Variants in DNAH14 observed in about 807,000 individuals in gnomAD.
DNAH14 encodes the protein dynein axonemal heavy chain 14, also known as axonemal beta dynein heavy chain 14.
A neutral mutation model predicts 520.9 loss-of-function variants in DNAH14; 478 were observed. The observed-to-expected ratio is 0.92, with a 90% confidence interval of 0.85 to 0.99. DNAH14 has a LOEUF of 0.99. Ranked by LOEUF, DNAH14 falls within the 50% of genes least tolerant of loss-of-function variation. The pLI, the probability that DNAH14 is intolerant of heterozygous loss-of-function variation, is 0.00. For missense variants in DNAH14, 4,831 were observed against 5,234.5 expected, an observed-to-expected ratio of 0.92 and a Z score of 2.38; for synonymous variants, 1,581 against 1,757.2, an observed-to-expected ratio of 0.90 and a Z score of 2.51.
intron 40 of DNAH14, 53 bp downstream of exon 40, chr1:225,206,232 G>C: frequency 7.1e-7 from 1 of 1,409,354 alleles, no homozygotes; most frequent in African/African-American, 1.4e-5. Context: ...GTTTATGATA[G>C]TAACTATTTA....
chr1:225,290,868 G>A (rs969474929), intron 55 of DNAH14, among the ~76,000 whole-genome samples: 1 of 151,122 alleles, frequency 6.6e-6, no homozygotes, highest in South Asian at 2.1e-4. Flanking sequence ...TCATTTTTGT[G>A]TTAGGAGCAT....
rs1296761594 is a variant in DNAH14 at position 225,333,517 on chromosome 1, A to G, written c.10080+11A>G. On this transcript the variant is annotated intron_variant, in intron 66 of 85. Transcript: ENST00000682510. Reference sequence around the variant, plus strand: ...GCACAAAAATATGAGGTAATAACATATTTCTATTATCCAGTTAAGTGGCTA... The same window carrying G: ...GCACAAAAATATGAGGTAATAACATGTTTCTATTATCCAGTTAAGTGGCTA... The G allele has an allele frequency of 7.1e-6, 11 of 1,542,544 alleles. No individual in the cohort carries two copies. Among genetic ancestry groups the G allele is most frequent in the Non-Finnish European group, 9.6e-6 (11 of 1,140,402 alleles).
chr1:225,255,986 AC>A (rs2092718870), intron 44 of DNAH14, among the ~76,000 whole-genome samples: 1 of 152,218 alleles, frequency 6.6e-6, no homozygotes, highest in Admixed American at 6.5e-5. Flanking sequence ...TTGAAGCATT[AC>A]CATTAAAATC....
chr1:224,969,070 A>G, intron 7 of DNAH14, 196 bp downstream of exon 7: 1 of 436,602 alleles, frequency 2.3e-6, no homozygotes, highest in Admixed American at 4.7e-5. Flanking sequence ...GCATTTAAGA[A>G]GCATTTTTCC....
chr1:225,124,428 G>A (rs886439783), intron 27 of DNAH14, among the ~76,000 whole-genome samples: 2 of 152,154 alleles, frequency 1.3e-5, no homozygotes, highest in East Asian at 1.9e-4. Flanking sequence ...TATCAACTAA[G>A]TTTATGTAAT....
chr1:224,969,354 C>G (rs1473198119), intron 7 of DNAH14: 3 of 156,324 alleles, frequency 1.9e-5, no homozygotes, highest in Admixed American at 1.3e-4. Flanking sequence ...ACTTTTGACT[C>G]TACCCAAACT....
chr1:224,994,285 C>T (rs2063248209), intron 8 of DNAH14, among the ~76,000 whole-genome samples: 1 of 151,930 alleles, frequency 6.6e-6, no homozygotes, highest in Non-Finnish European at 1.5e-5. Flanking sequence ...TTGATATCCC[C>T]TACTATTATT....
At chr1:225,314,945 G>A (rs551627481) in intron 60 of DNAH14, among the ~76,000 whole-genome samples, 1 of 152,244 alleles carries the variant, frequency 6.6e-6, no homozygotes, top group African/African-American at 2.4e-5. Flanking sequence ...GAGTATCTTT[G>A]TAGTGTTCTC....
At chr1:225,180,284 ATCCTTCAT>A (rs1387977958) in intron 36 of DNAH14, among the ~76,000 whole-genome samples, 4 of 152,212 alleles carry the variant, frequency 2.6e-5, no homozygotes, top group Non-Finnish European at 5.9e-5. Flanking sequence ...CGTCATGAGC[ATCCTTCAT>A]TCAATTTCAT....
intron 58 of DNAH14, 21 bp downstream of exon 58, chr1:225,305,110 C>T (rs1468115413): frequency 4.0e-6 from 6 of 1,512,242 alleles, no homozygotes; most frequent in Non-Finnish European, 5.3e-6. Context: ...GAGAACAAAT[C>T]ATAAATATAT....
chr1:224,995,029 CTATAGT>C (rs1411173525), intron 8 of DNAH14, among the ~76,000 whole-genome samples: 1 of 152,058 alleles, frequency 6.6e-6, no homozygotes, highest in African/African-American at 2.4e-5. Context: ...ATTATTTTAG[CTATAGT>C]TATTTTAATA....
At chr1:225,171,473 C>A (rs983089904) in intron 36 of DNAH14, among the ~76,000 whole-genome samples, 4 of 152,194 alleles carry the variant, frequency 2.6e-5, no homozygotes, top group African/African-American at 9.7e-5. Flanking sequence ...AAACTACCAT[C>A]AGAGAATACT....
At chr1:225,266,143 C>T (rs1277143154) in intron 48 of DNAH14, among the ~76,000 whole-genome samples, 2 of 152,124 alleles carry the variant, frequency 1.3e-5, no homozygotes, top group Admixed American at 1.3e-4. Flanking sequence ...GAATTTTCTG[C>T]TTGTTGTTCA....
chr1:225,348,669 A>G (rs1393375405), intron 71 of DNAH14, among the ~76,000 whole-genome samples: 1 of 152,196 alleles, frequency 6.6e-6, no homozygotes, highest in Admixed American at 6.5e-5. Flanking sequence ...TCTCAGATAA[A>G]CAAACATGAG....
chr1:225,290,024 A>T lies in DNAH14; in HGVS notation c.8411A>T (p.His2804Leu). 6.5e-7 allele frequency: 1 copy of T among 1,534,374 alleles called. No homozygotes were observed. ...FKEVFKKVFI[H>L]AGLKGKPTVL... Reference sequence around the variant, plus strand: ...GAAGTCTTTAAAAAGGTGTTTATTCACGCAGGATTAAAAGGGAAACCCACT... The same window carrying T: ...GAAGTCTTTAAAAAGGTGTTTATTCTCGCAGGATTAAAAGGGAAACCCACT... The change falls in exon 55 of 86, where the codon CAC (histidine) becomes CTC (leucine). Residue 2804 changes from histidine (H) to leucine (L), a missense_variant. His to Leu is a moderately conservative substitution (Grantham distance 99, BLOSUM62 -3). Coordinates refer to ENST00000682510, the MANE Select transcript of DNAH14 (RefSeq NM_001367479.1).
intron 37 of DNAH14, among the ~76,000 whole-genome samples, 185 bp downstream of exon 37, chr1:225,185,610 T>C (rs1200520171): frequency 6.6e-6 from 1 of 152,002 alleles, no homozygotes; most frequent in African/African-American, 2.4e-5. Context: ...ATTACTAGTT[T>C]AAAGAAACTA....
chr1:225,184,466 A>G (rs12067725), intron 36 of DNAH14, among the ~76,000 whole-genome samples: 4,011 of 152,132 alleles, frequency 0.026, 158 homozygotes, highest in African/African-American at 0.08. Flanking sequence ...CTAAAAATAA[A>G]ATAATTAGCC....
At chr1:224,986,237 A>G (rs2062626876) in intron 8 of DNAH14, among the ~76,000 whole-genome samples, 1 of 151,826 alleles carries the variant, frequency 6.6e-6, no homozygotes, top group Non-Finnish European at 1.5e-5. Flanking sequence ...CTATTCTGAC[A>G]AATAGAGTAT....
At chr1:225,107,747 A>G (rs920307171) in intron 23 of DNAH14, among the ~76,000 whole-genome samples, 4 of 152,282 alleles carry the variant, frequency 2.6e-5, no homozygotes, top group Non-Finnish European at 5.9e-5. Context: ...GTACTAATTT[A>G]CATTCCCACA....
Sources: allele counts gnomAD v4.1 joint callset (sites outside exome capture counted in the v4.1 genomes callset), GRCh38; gene constraint gnomAD v4.1.1; transcripts MANE v1.5; gene names NCBI Gene and HGNC (gene_info 2026-07-23, HGNC 2026-07-21).